Variants in CCSER2 observed in about 807,000 individuals in gnomAD.
CCSER2 encodes the protein coiled-coil serine rich protein 2.
CCSER2 carries 46 observed loss-of-function variants against 92.3 expected under a neutral mutation model. The observed-to-expected ratio is 0.50, with a 90% CI of 0.39 to 0.64. The LOEUF is 0.64. CCSER2 is among the 30% of genes least tolerant of loss of function. CCSER2 has a pLI of 0.00. For synonymous variants in CCSER2, 433 were observed against 431.4 expected, an observed-to-expected ratio of 1.00 and a Z score of -0.04; for missense variants, 1,244 against 1,238.9, an observed-to-expected ratio of 1.00 and a Z score of -0.06.
In CCSER2 at chr10:84,371,274, T is replaced by G. The variant is rs1180604373; in HGVS notation, c.222T>G (p.Leu74=). The change falls in exon 2 of 10, where the codon CTT becomes CTG. Residue 74 remains leucine (L), a synonymous_variant. Transcript: ENST00000372088. The stretch of plus-strand genomic sequence containing the variant: ...GGAGGAAAGCAAATAAATATCAGCT[T>G]TGTGCACAAGGTGTCGAAGAGCCTA... ...FNWRKANKYQ[L]CAQGVEEPNN... 1 of 1,613,340 alleles carries G rather than the reference T, an allele frequency of 6.2e-7. No individual in the cohort carries two copies. Among genetic ancestry groups the G allele is most frequent in the Non-Finnish European group, 8.5e-7 (1 of 1,179,704 alleles).
intron 3 of CCSER2, among the ~76,000 whole-genome samples, chr10:84,407,976 G>A (rs1463350167): frequency 4.6e-5 from 7 of 152,032 alleles, no homozygotes; most frequent in Non-Finnish European, 7.4e-5. Flanking sequence ...GGGGAGGGGC[G>A]GGTGGCACTG....
intron 1 of CCSER2, among the ~76,000 whole-genome samples, chr10:84,345,539 G>A (rs185495443): frequency 5.0e-4 from 76 of 152,142 alleles, no homozygotes; most frequent in South Asian, 1.7e-3. Flanking sequence ...GGCAAGTTTC[G>A]TTGTGGCATT....
intron 3 of CCSER2, among the ~76,000 whole-genome samples, chr10:84,399,591 C>T (rs1402742394): frequency 6.6e-6 from 1 of 152,062 alleles, no homozygotes; most frequent in Non-Finnish European, 1.5e-5. Context: ...AAGATAATGG[C>T]ATTTTTTTAA....
intron 5 of CCSER2, among the ~76,000 whole-genome samples, chr10:84,426,366 A>G (rs1164009741): frequency 6.6e-6 from 1 of 152,164 alleles, no homozygotes; most frequent in African/African-American, 2.4e-5. Context: ...AAAGTAGAGG[A>G]TAGTCTTTAA....
At chr10:84,391,339 T>G (rs1291655199) in intron 3 of CCSER2, 6 of 1,427,346 alleles carry the variant, frequency 4.2e-6, no homozygotes, top group Non-Finnish European at 5.9e-6. Flanking sequence ...CTGAAGGACT[T>G]GGAGGCAACA....
At chr10:84,429,659 T>C (rs1016118881) in intron 5 of CCSER2, among the ~76,000 whole-genome samples, 1 of 149,822 alleles carries the variant, frequency 6.7e-6, no homozygotes, top group Non-Finnish European at 1.5e-5. Context: ...CACTTTTTCT[T>C]TGGCTTTCAA....
At chr10:84,351,071 T>C (rs1227106010) in intron 1 of CCSER2, among the ~76,000 whole-genome samples, 1 of 152,230 alleles carries the variant, frequency 6.6e-6, no homozygotes, top group Non-Finnish European at 1.5e-5. Flanking sequence ...CTGTGGGATA[T>C]ATTTATAAAA....
At position 84,441,916 on chromosome 10, in the gene CCSER2, C is replaced by T. The variant is rs566199902; in HGVS notation, c.2064+3209C>T. On this transcript the variant is annotated intron_variant, in intron 6 of 9. Coordinates refer to ENST00000372088, the MANE Select transcript of CCSER2 (RefSeq NM_001284240.2). ...GGACTACAGGCGCCCACCACCACGC[C>T]CGGCTAATTTCTTATATTTTTAGTA... is the stretch of plus-strand genomic sequence containing the variant. 2.0e-5 allele frequency among the ~76,000 whole-genome samples: 3 copies of T among 151,796 alleles called. No individual in the cohort carries two copies. In the East Asian group the frequency reaches 5.8e-4, roughly 29 times the overall value.
chr10:84,482,880 T>C (rs191388742), intron 9 of CCSER2, among the ~76,000 whole-genome samples: 2 of 152,326 alleles, frequency 1.3e-5, no homozygotes, highest in Admixed American at 6.5e-5. Context: ...GTTAAAATTC[T>C]GAATGGGCAC....
chr10:84,390,098 A>T (rs767189433), intron 3 of CCSER2, among the ~76,000 whole-genome samples: 1 of 152,164 alleles, frequency 6.6e-6, no homozygotes, highest in Non-Finnish European at 1.5e-5. Context: ...ATACTTCCAC[A>T]CACATGTATC....
chr10:84,460,845 GT>G (rs759408742), intron 6 of CCSER2, among the ~76,000 whole-genome samples: 15 of 152,042 alleles, frequency 9.9e-5, no homozygotes, highest in Non-Finnish European at 1.9e-4. Flanking sequence ...TCCTGATAAT[GT>G]TTTGATTTGT....
At position 84,489,322 on chromosome 10, in the gene CCSER2, A is replaced by G. The variant is rs552469218; in HGVS notation, c.2325+11658A>G. The stretch of plus-strand genomic sequence containing the variant: ...AACTTTCTGTCTCATTGATCTGTCT[A>G]AGGTTGACAGTGGGGTGTTAAAGTC... On this transcript the variant is annotated intron_variant, in intron 9 of 9. Transcript: ENST00000372088. 9.3e-4 allele frequency among the ~76,000 whole-genome samples: 141 copies of G among 152,260 alleles called. No individual in the cohort carries two copies. The South Asian group carries it at 0.025, about 27-fold the overall frequency.
chr10:84,443,135 A>G (rs934407376), intron 6 of CCSER2, among the ~76,000 whole-genome samples: 2 of 152,256 alleles, frequency 1.3e-5, no homozygotes, highest in Non-Finnish European at 1.5e-5. Flanking sequence ...GCAAAAGCCA[A>G]AATTGACAAA....
At chr10:84,477,833 G>A (rs1452011012) in intron 9 of CCSER2, among the ~76,000 whole-genome samples, 169 bp downstream of exon 9, 1 of 152,070 alleles carries the variant, frequency 6.6e-6, no homozygotes, top group Non-Finnish European at 1.5e-5. Context: ...TTTTCCTAAA[G>A]CTTCTCTTGT....
At chr10:84,419,132 C>T (rs1020222678) in intron 4 of CCSER2, among the ~76,000 whole-genome samples, 5 of 152,106 alleles carry the variant, frequency 3.3e-5, no homozygotes, top group African/African-American at 1.2e-4. Context: ...CTACACTTGA[C>T]AGCAAAGTCA....
intron 9 of CCSER2, among the ~76,000 whole-genome samples, chr10:84,483,953 T>TTATATATATATATATATATA (rs57427963): frequency 2.3e-4 from 11 of 48,032 alleles, no homozygotes; most frequent in Non-Finnish European, 3.8e-4. Flanking sequence ...CCCGGCTAAT[T>TTATATATATATATATATATA]TATATATATA....
rs61743630 is a variant in CCSER2, at chr10:84,438,676, A to G, written c.2033A>G (p.Gln678Arg). 163 of 1,610,018 alleles carry G rather than the reference A, an allele frequency of 1.0e-4. No individual in the cohort carries two copies. In the African/African-American group the frequency reaches 1.7e-3, roughly 17 times the overall value. ...MVQDCTAVKT[Q>R]LLKLKRLLHQ... ...CAGGATTGCACTGCTGTAAAAACTC[A>G]GTTACTCAAACTGAAACGTCTCCTG... Residue 678 changes from glutamine to arginine, a missense_variant, in exon 6 of 10, where the codon CAG becomes CGG. By Grantham distance (43) the Gln-to-Arg change is conservative (BLOSUM62 1). Coordinates refer to ENST00000372088, the MANE Select transcript of CCSER2 (RefSeq NM_001284240.2).
At position 84,466,993 on chromosome 10, in the gene CCSER2, C is replaced by T. The variant is rs190006483; in HGVS notation, c.2148+2977C>T. On this transcript the variant is annotated intron_variant, in intron 7 of 9. Transcript: ENST00000372088. ...CCTCCTCTCTCATCTGTCTTGAGTGCGCCTCCTCTACTTTCTTGTCATTAT... is the reference window on the plus strand; with the variant it reads ...CCTCCTCTCTCATCTGTCTTGAGTGTGCCTCCTCTACTTTCTTGTCATTAT... Among the ~76,000 whole-genome samples the T allele has an allele frequency of 5.9e-5, 9 of 152,246 alleles. No individual in the cohort carries two copies. In the East Asian group the frequency reaches 1.4e-3, roughly 23 times the overall value.
chr10:84,466,804 C>T (rs942529663), intron 7 of CCSER2, among the ~76,000 whole-genome samples: 3 of 152,088 alleles, frequency 2.0e-5, no homozygotes, highest in South Asian at 2.1e-4. Context: ...TAAGCCACCG[C>T]GCCCGGCCTC....
Sources: gnomAD v4.1 joint callset for allele counts (sites outside exome capture counted in the v4.1 genomes callset) on GRCh38, gnomAD v4.1.1 for gene constraint, MANE v1.5 for transcripts, NCBI Gene and HGNC (gene_info 2026-07-23, HGNC 2026-07-21) for gene names.